Variants in GNG7 observed in about 807,000 individuals in gnomAD.
GNG7 encodes G protein subunit gamma 7, also known as guanine nucleotide-binding protein G(I)/G(S)/G(O) subunit gamma-7.
In GNG7, 1 loss-of-function variant was observed where a neutral mutation model predicts 4.0. That is an observed-to-expected ratio of 0.25 (90% confidence interval 0.09 to 1.18). GNG7 has a LOEUF of 1.18. Ranked by LOEUF, GNG7 falls within the 50% of genes most tolerant of loss-of-function variation. GNG7 has a pLI of 0.50. For missense variants in GNG7, 86 were observed against 91.9 expected, an observed-to-expected ratio of 0.94 and a Z score of 0.26; for synonymous variants, 34 against 36.9, an observed-to-expected ratio of 0.92 and a Z score of 0.29.
chr19:2,600,394 C>T (rs568920342), intron 2 of GNG7, among the ~76,000 whole-genome samples: 35 of 151,514 alleles, frequency 2.3e-4, no homozygotes, highest in Non-Finnish European at 4.3e-4. Context: ...TGATATCAAA[C>T]GTCATGCAAC....
intron 1 of GNG7, among the ~76,000 whole-genome samples, chr19:2,682,323 G>C (rs536956820): frequency 6.6e-6 from 1 of 152,262 alleles, no homozygotes; most frequent in South Asian, 2.1e-4. Context: ...TTCCATCACG[G>C]AGATGAAAGA....
At chr19:2,637,705 T>A (rs887503588) in intron 2 of GNG7, among the ~76,000 whole-genome samples, 6 of 152,378 alleles carry the variant, frequency 3.9e-5, no homozygotes, top group South Asian at 2.1e-4. Context: ...CAGAGCCTGA[T>A]GATTCTCTGG....
chr19:2,553,902 C>A (rs1170262930), intron 3 of GNG7, among the ~76,000 whole-genome samples: 2 of 141,600 alleles, frequency 1.4e-5, no homozygotes, highest in Non-Finnish European at 3.1e-5. Context: ...TGTAATATTA[C>A]ATACATGTGC....
At position 2,514,966 on chromosome 19, in the gene GNG7, GAC is replaced by G; in HGVS notation, c.*54_*55del. ...ATGCCCTGCCTGAGACAGAGACAGA[GAC>G]AGAGAGAGAGAGAGAGAAAGAGAGA... is the stretch of plus-strand genomic sequence containing the variant. On this transcript the variant is annotated 3_prime_UTR_variant, in exon 5 of 5. Transcript: ENST00000382159. The G allele has an allele frequency of 7.3e-7, 1 of 1,365,542 alleles. No individual in the cohort carries two copies. Among genetic ancestry groups the G allele is most frequent in the Non-Finnish European group, 1.0e-6 (1 of 965,394 alleles). The allele number at this position is 1,365,542 out of a possible 1,614,324, so 84.6% of individuals were successfully genotyped here.
intron 1 of GNG7, among the ~76,000 whole-genome samples, chr19:2,650,179 G>A (rs113517642): frequency 0.11 from 14,447 of 129,022 alleles, 866 homozygotes; most frequent in Admixed American, 0.2. Flanking sequence ...CGTGTCATAG[G>A]AATCTTTTTT....
At chr19:2,543,970 G>C (rs544679761) in intron 3 of GNG7, among the ~76,000 whole-genome samples, 1 of 152,106 alleles carries the variant, frequency 6.6e-6, no homozygotes, top group Non-Finnish European at 1.5e-5. Context: ...TTCCTCCTGG[G>C]GGTCTGGCAA....
chr19:2,554,960 G>A (rs928441221), intron 3 of GNG7, among the ~76,000 whole-genome samples, 189 bp downstream of exon 3: 8 of 152,142 alleles, frequency 5.3e-5, no homozygotes, highest in Admixed American at 1.3e-4. Context: ...CCACCCAAAC[G>A]GGGCAGAGCT....
intron 3 of GNG7, among the ~76,000 whole-genome samples, chr19:2,544,725 A>C (rs943680040): frequency 6.6e-6 from 1 of 152,084 alleles, no homozygotes; most frequent in African/African-American, 2.4e-5. Context: ...TGGGTGATTC[A>C]GCCCCGCCAG....
chr19:2,607,237 G>C (rs1008144341), intron 2 of GNG7, among the ~76,000 whole-genome samples: 1 of 123,596 alleles, frequency 8.1e-6, no homozygotes, highest in Non-Finnish European at 1.8e-5. Context: ...AAAAAAGAAG[G>C]CCAGGTGTGG....
At chr19:2,682,540 G>A (rs1983764803) in intron 1 of GNG7, among the ~76,000 whole-genome samples, 1 of 150,694 alleles carries the variant, frequency 6.6e-6, no homozygotes, top group Non-Finnish European at 1.5e-5. Context: ...GCACGCACCT[G>A]TAGTCCCAGC....
intron 2 of GNG7, among the ~76,000 whole-genome samples, chr19:2,563,471 G>T (rs956762805): frequency 2.0e-5 from 3 of 151,940 alleles, no homozygotes; most frequent in Admixed American, 6.6e-5. Flanking sequence ...GCATTATTGA[G>T]GTCACACTTT....
chr19:2,602,953 T>TTTCTTTCTC lies in GNG7; in HGVS notation c.-78+43262_-78+43270dup, dbSNP rs1270047501. Among the ~76,000 whole-genome samples the TTTCTTTCTC allele has an allele frequency of 2.1e-5, 3 of 146,268 alleles. No individual in the cohort carries two copies. In the East Asian group the frequency reaches 5.8e-4, roughly 28 times the overall value. ...TTTCTTCCTTTCTTCCTTTCTTTCT[T>TTTCTTTCTC]TTCTTTCTCTTTCTTTCTTTCTCTC... is the stretch of plus-strand genomic sequence containing the variant. On this transcript the variant is annotated intron_variant, in intron 2 of 4. Transcript: ENST00000382159.
chr19:2,587,647 C>T (rs1365528909), intron 2 of GNG7, among the ~76,000 whole-genome samples: 4 of 152,030 alleles, frequency 2.6e-5, no homozygotes, highest in African/African-American at 7.2e-5. Flanking sequence ...ATGCAGTTCA[C>T]AAAAAGCTGT....
chr19:2,569,623 G>A (rs978518301), intron 2 of GNG7, among the ~76,000 whole-genome samples: 4 of 152,100 alleles, frequency 2.6e-5, no homozygotes, highest in African/African-American at 4.8e-5. Context: ...CAATTATGTC[G>A]CTATCATACT....
intron 2 of GNG7, among the ~76,000 whole-genome samples, chr19:2,597,712 C>T (rs1171181439): frequency 3.6e-4 from 54 of 148,794 alleles, no homozygotes; most frequent in African/African-American, 1.2e-3. Flanking sequence ...CTGGCTAACA[C>T]GGTGAAACCC....
intron 2 of GNG7, among the ~76,000 whole-genome samples, chr19:2,580,286 ATTTTTTTTTTT>A (rs5826774): frequency 9.7e-5 from 13 of 133,628 alleles, no homozygotes; most frequent in Admixed American, 6.1e-4. Context: ...GTCTGGTTCT[ATTTTTTTTTTT>A]TTTTTTTTTT....
At chr19:2,539,881 T>TCTCCTTCCTTCCTTC (rs1568236346) in intron 3 of GNG7, among the ~76,000 whole-genome samples, 1 of 55,676 alleles carries the variant, frequency 1.8e-5, no homozygotes, top group Non-Finnish European at 3.2e-5. Flanking sequence ...TCTCTCTCCC[T>TCTCCTTCCTTCCTTC]CTCCTTCCTT....
chr19:2,557,332 GACACACACATGTGC>G lies in GNG7; in HGVS notation c.-77-2158_-77-2145del. Among the ~76,000 whole-genome samples the G allele has an allele frequency of 7.1e-6, 1 of 140,750 alleles. No homozygotes were observed. The highest frequency in any genetic ancestry group is 2.1e-4 in the East Asian group (1 of 4,788). 92.3% of individuals were successfully genotyped at this position (140,750 alleles called of 152,430 possible). A position where few individuals can be genotyped will look rare whatever the true frequency, so the allele number is the denominator to read the frequency against. ...ACGCACAGACACACATGTGCACACAGACACACACATGTGCACACACACAGACACACACACACGTG... is the reference window on the plus strand; with the variant it reads ...ACGCACAGACACACATGTGCACACAGACACACACAGACACACACACACGTG... On this transcript the variant is annotated intron_variant, in intron 2 of 4. Transcript: ENST00000382159. The surrounding 1 kb of genome is among the most constrained non-coding windows in gnomAD (Gnocchi z 5.1).
At chr19:2,657,383 TATATATATATATATATAC>T (rs2144874162) in intron 1 of GNG7, among the ~76,000 whole-genome samples, 2 of 82,858 alleles carry the variant, frequency 2.4e-5, no homozygotes, top group East Asian at 6.1e-4. Flanking sequence ...TATATATATA[TATATATATATATATATAC>T]ACATAATAAC....
Sources: allele counts gnomAD v4.1 joint callset (sites outside exome capture counted in the v4.1 genomes callset), GRCh38; gene constraint gnomAD v4.1.1; non-coding constraint Gnocchi (gnomAD v3.1); transcripts MANE v1.5; gene names NCBI Gene and HGNC (gene_info 2026-07-23, HGNC 2026-07-21).